The following DCC variants were observed in gnomAD, a reference collection of about 807,000 sequenced individuals.
DCC encodes the protein DCC netrin 1 receptor.
A neutral mutation model predicts 172.5 loss-of-function variants in DCC; 58 were observed. The ratio of observed to expected loss-of-function variants is 0.34; its 90% CI spans 0.27 to 0.42. The LOEUF is 0.42. Among genes scored for constraint, DCC ranks in the 10% least tolerant of loss-of-function variants. DCC has a pLI of 1.00. For missense variants in DCC, 1,740 were observed against 1,791.0 expected, an observed-to-expected ratio of 0.97 and a Z score of 0.51; for synonymous variants, 709 against 644.5, an observed-to-expected ratio of 1.10 and a Z score of -1.52.
At chr18:52,344,331 A>G (rs1319137280) in intron 1 of DCC, among the ~76,000 whole-genome samples, 1 of 152,308 alleles carries the variant, frequency 6.6e-6, no homozygotes, top group East Asian at 1.9e-4. Context: ...GACAAGATAT[A>G]TGGGGAGGTG....
chr18:53,049,398 C>T (rs1209239043), intron 5 of DCC, among the ~76,000 whole-genome samples: 1 of 152,122 alleles, frequency 6.6e-6, no homozygotes. Context: ...CAATCTTCTG[C>T]ATATGGCTAG....
intron 1 of DCC, among the ~76,000 whole-genome samples, chr18:52,467,189 C>T (rs1415955423): frequency 6.6e-6 from 1 of 152,000 alleles, no homozygotes; most frequent in African/African-American, 2.4e-5. Context: ...AATGCTATCC[C>T]TCCCCTAGTC....
intron 1 of DCC, among the ~76,000 whole-genome samples, chr18:52,703,413 C>T (rs897286587): frequency 6.6e-6 from 1 of 152,164 alleles, no homozygotes; most frequent in Non-Finnish European, 1.5e-5. Flanking sequence ...CTGATGTTCT[C>T]TTCTCAGACC....
intron 12 of DCC, among the ~76,000 whole-genome samples, chr18:53,259,268 T>G (rs1390706134): frequency 1.3e-5 from 2 of 152,196 alleles, no homozygotes; most frequent in Non-Finnish European, 2.9e-5. Flanking sequence ...GTTAGCTGGT[T>G]ATTTTGCTCA....
chr18:53,246,236 C>A (rs2056363684), intron 12 of DCC, among the ~76,000 whole-genome samples: 1 of 152,050 alleles, frequency 6.6e-6, no homozygotes, highest in African/African-American at 2.4e-5. Context: ...AAAATCTAAT[C>A]TATTTATATT....
intron 1 of DCC, among the ~76,000 whole-genome samples, chr18:52,479,624 T>C (rs1233799792): frequency 7.2e-6 from 1 of 138,642 alleles, no homozygotes; most frequent in Non-Finnish European, 1.5e-5. Context: ...CTATTTCAAG[T>C]GGTACTCTCT....
chr18:52,611,139 C>T (rs184782007), intron 1 of DCC, among the ~76,000 whole-genome samples: 1 of 152,138 alleles, frequency 6.6e-6, no homozygotes, highest in Non-Finnish European at 1.5e-5. Context: ...GTGACCCCCC[C>T]CTCCTGACAA....
intron 7 of DCC, among the ~76,000 whole-genome samples, chr18:53,081,756 G>A (rs150877393): frequency 2.0e-5 from 3 of 152,170 alleles, no homozygotes; most frequent in African/African-American, 7.2e-5. Context: ...TGTAATTGGT[G>A]ATGGATGGTG....
At chr18:52,947,527 A>G (rs141382501) in intron 5 of DCC, among the ~76,000 whole-genome samples, 23 of 152,318 alleles carry the variant, frequency 1.5e-4, no homozygotes, top group African/African-American at 5.3e-4. Context: ...AACTTTTTCA[A>G]TGTAACTGAC....
At chr18:52,895,486 A>T (rs1051842185) in intron 2 of DCC, among the ~76,000 whole-genome samples, 2 of 152,168 alleles carry the variant, frequency 1.3e-5, no homozygotes, top group Non-Finnish European at 2.9e-5. Flanking sequence ...TAATGCACTG[A>T]ATAGAGTATT....
intron 12 of DCC, among the ~76,000 whole-genome samples, chr18:53,235,946 A>T (rs2144626158): frequency 6.6e-6 from 1 of 152,170 alleles, no homozygotes; most frequent in South Asian, 2.1e-4. Context: ...ATTATGGTAA[A>T]TTTTTTGTTA....
At chr18:52,743,143 G>A (rs890929489) in intron 1 of DCC, among the ~76,000 whole-genome samples, 4 of 152,280 alleles carry the variant, frequency 2.6e-5, no homozygotes, top group African/African-American at 9.6e-5. Flanking sequence ...CTACTTGGCT[G>A]CCATCAAAAT....
chr18:53,224,421 T>G (rs1238303378), intron 12 of DCC, among the ~76,000 whole-genome samples: 1 of 152,138 alleles, frequency 6.6e-6, no homozygotes, highest in African/African-American at 2.4e-5. Context: ...TAGGGTGTGA[T>G]AAAAGTTGGG....
intron 8 of DCC, among the ~76,000 whole-genome samples, chr18:53,171,781 A>G (rs915691803): frequency 2.0e-5 from 3 of 152,130 alleles, no homozygotes; most frequent in Non-Finnish European, 4.4e-5. Flanking sequence ...AAACTGCTCA[A>G]CATCACTAAT....
At chr18:53,191,946 G>T (rs180836160) in intron 9 of DCC, among the ~76,000 whole-genome samples, 4 of 152,150 alleles carry the variant, frequency 2.6e-5, no homozygotes, top group Non-Finnish European at 5.9e-5. Context: ...TCATTCTCCA[G>T]CTTCTGTGAG....
chr18:53,405,040 T>A (rs1036659441), intron 19 of DCC, among the ~76,000 whole-genome samples: 4 of 152,162 alleles, frequency 2.6e-5, no homozygotes, highest in South Asian at 2.1e-4. Flanking sequence ...CTTAAGAGAA[T>A]TTCTGTGTCA....
intron 7 of DCC, among the ~76,000 whole-genome samples, chr18:53,114,320 T>C (rs553391282): frequency 7.8e-4 from 119 of 151,614 alleles, no homozygotes; most frequent in African/African-American, 2.8e-3. Flanking sequence ...AGTTAGGTTT[T>C]GTTTCTGTAT....
At chr18:53,257,258 G>A (rs2056530224) in intron 12 of DCC, among the ~76,000 whole-genome samples, 1 of 152,140 alleles carries the variant, frequency 6.6e-6, no homozygotes, top group Non-Finnish European at 1.5e-5. Flanking sequence ...TGTTGAATAG[G>A]AGTGGTGAGA....
chr18:52,952,417 A>G (rs2040663879), intron 5 of DCC, among the ~76,000 whole-genome samples: 1 of 152,174 alleles, frequency 6.6e-6, no homozygotes, highest in Non-Finnish European at 1.5e-5. Flanking sequence ...CTTGATCAAG[A>G]AAAAATGTGT....
Sources: allele counts gnomAD v4.1 joint callset (sites outside exome capture counted in the v4.1 genomes callset), GRCh38; gene constraint gnomAD v4.1.1; transcripts MANE v1.5; gene names NCBI Gene and HGNC (gene_info 2026-07-23, HGNC 2026-07-21).